The following AGBL1 variants were observed in gnomAD, a reference collection of about 807,000 sequenced individuals.
AGBL1 encodes AGBL carboxypeptidase 1.
AGBL1 carries 130 observed loss-of-function variants against 118.9 expected under a neutral mutation model. The ratio of observed to expected loss-of-function variants is 1.09; its 90% CI spans 0.95 to 1.26. The LOEUF (loss-of-function observed/expected upper bound fraction) is 1.26. Ranked by LOEUF, AGBL1 falls within the 50% of genes most tolerant of loss-of-function variation. The pLI is 0.00. For synonymous variants in AGBL1, 555 were observed against 478.9 expected (o/e 1.16, Z -2.08); for missense variants, 1,584 against 1,298.1 (o/e 1.22, Z -3.38).
chr15:86,413,199 G>A (rs1269769960), intron 18 of AGBL1, among the ~76,000 whole-genome samples: 1 of 152,140 alleles, frequency 6.6e-6, no homozygotes, highest in Non-Finnish European at 1.5e-5. Context: ...AAGATGCTCA[G>A]TAAGGTAACA....
At position 86,674,338 on chromosome 15, in the gene AGBL1, C is replaced by T. The variant is rs556577739; in HGVS notation, c.3060C>T (p.Ile1020=). The change falls in exon 22 of 23, where the codon ATC becomes ATT. Residue 1020 remains isoleucine (I), a synonymous_variant. Transcript: ENST00000614907. ...MGAMFCLGLL[I]LELKSASCSH... ...CCATGTTCTGTTTGGGCCTCCTCATCCTGGAGCTCAAATCTGCCAGCTGCA... is the reference window on the plus strand; with the variant it reads ...CCATGTTCTGTTTGGGCCTCCTCATTCTGGAGCTCAAATCTGCCAGCTGCA... The T allele has an allele frequency of 3.7e-6, 6 of 1,612,432 alleles. No homozygotes were observed. In the African/African-American group the frequency reaches 8.0e-5, roughly 21 times the overall value.
chr15:86,834,198 A>T (rs556422198), intron 22 of AGBL1, among the ~76,000 whole-genome samples: 1 of 152,298 alleles, frequency 6.6e-6, no homozygotes, highest in Admixed American at 6.5e-5. Flanking sequence ...AAAGGTAAAA[A>T]CAAGTGTTTG....
At chr15:86,582,558 A>C (rs1243170658) in intron 21 of AGBL1, among the ~76,000 whole-genome samples, 1 of 152,128 alleles carries the variant, frequency 6.6e-6, no homozygotes, top group African/African-American at 2.4e-5. Context: ...AGACACATGC[A>C]CACGTATGTT....
At chr15:86,961,616 T>G (rs536880853) in intron 23 of AGBL1, among the ~76,000 whole-genome samples, 1 of 152,150 alleles carries the variant, frequency 6.6e-6, no homozygotes, top group Admixed American at 6.6e-5. Flanking sequence ...TAGAACCCTT[T>G]CCCTGACCAC....
chr15:86,204,503 TCCCCTTC>T (rs1309076740), intron 5 of AGBL1, among the ~76,000 whole-genome samples: 1 of 122,356 alleles, frequency 8.2e-6, no homozygotes, highest in African/African-American at 3.1e-5. Context: ...CCCTTCCCCT[TCCCCTTC>T]CCCTTCCCCT....
At chr15:86,573,925 A>T (rs1017654637) in intron 21 of AGBL1, among the ~76,000 whole-genome samples, 1 of 152,246 alleles carries the variant, frequency 6.6e-6, no homozygotes, top group Non-Finnish European at 1.5e-5. Flanking sequence ...AACAACAAAA[A>T]TCACAATAAT....
At chr15:86,715,133 T>C (rs1036861105) in intron 22 of AGBL1, among the ~76,000 whole-genome samples, 1 of 152,182 alleles carries the variant, frequency 6.6e-6, no homozygotes, top group Non-Finnish European at 1.5e-5. Context: ...GCCCAGCAAC[T>C]TCACTGATTT....
intron 22 of AGBL1, among the ~76,000 whole-genome samples, chr15:86,687,619 C>T (rs770448406): frequency 1.6e-4 from 24 of 152,210 alleles, no homozygotes; most frequent in Admixed American, 8.5e-4. Context: ...AAATCTACAG[C>T]TTCAAAGCAG....
At chr15:86,748,134 G>A (rs932684753) in intron 22 of AGBL1, among the ~76,000 whole-genome samples, 10 of 152,090 alleles carry the variant, frequency 6.6e-5, no homozygotes, top group Non-Finnish European at 1.5e-4. Flanking sequence ...ATCCTCTCCA[G>A]CACCTGTTGT....
At chr15:86,284,692 T>A (rs1424136503) in intron 16 of AGBL1, among the ~76,000 whole-genome samples, 5 of 152,044 alleles carry the variant, frequency 3.3e-5, no homozygotes, top group African/African-American at 1.2e-4. Context: ...GTTTAGGGGG[T>A]AACAATAGAA....
chr15:86,976,904 A>G (rs2081181619), intron 23 of AGBL1, among the ~76,000 whole-genome samples: 1 of 151,968 alleles, frequency 6.6e-6, no homozygotes, highest in Non-Finnish European at 1.5e-5. Context: ...TTGTCTTCTT[A>G]GTGATTTATA....
At chr15:86,685,976 A>G (rs1188017665) in intron 22 of AGBL1, among the ~76,000 whole-genome samples, 2 of 152,142 alleles carry the variant, frequency 1.3e-5, no homozygotes, top group African/African-American at 4.8e-5. Flanking sequence ...ATATATGTGA[A>G]AGTAAGTCCC....
chr15:86,544,548 G>A (rs911678643), intron 19 of AGBL1, among the ~76,000 whole-genome samples: 8 of 152,180 alleles, frequency 5.3e-5, no homozygotes, highest in African/African-American at 1.7e-4. Flanking sequence ...TCATGGTGGA[G>A]GGCAAATGAG....
chr15:86,516,236 G>A (rs2083119213), intron 18 of AGBL1, among the ~76,000 whole-genome samples: 2 of 152,174 alleles, frequency 1.3e-5, no homozygotes, highest in African/African-American at 4.8e-5. Flanking sequence ...TGTCCACAAG[G>A]AATCTCCTTG....
intron 1 of AGBL1, among the ~76,000 whole-genome samples, chr15:86,087,367 C>T (rs964135103): frequency 2.9e-4 from 41 of 142,970 alleles, no homozygotes; most frequent in Admixed American, 4.3e-4. Context: ...CTTGCTCTTT[C>T]ACCCAGGCTG....
intron 22 of AGBL1, among the ~76,000 whole-genome samples, chr15:86,891,962 T>C (rs1465540354): frequency 6.6e-6 from 1 of 152,160 alleles, no homozygotes; most frequent in Non-Finnish European, 1.5e-5. Flanking sequence ...TCAGAGGTCC[T>C]CTCATGTAAA....
chr15:86,421,725 C>T (rs12443454), intron 18 of AGBL1, among the ~76,000 whole-genome samples: 4,425 of 152,260 alleles, frequency 0.029, 128 homozygotes, highest in Admixed American at 0.092. Context: ...TGCAAAGACA[C>T]ACATAGGCTC....
At chr15:86,661,692 TAGAGCAAGCA>T (rs2085543786) in intron 21 of AGBL1, among the ~76,000 whole-genome samples, 1 of 152,032 alleles carries the variant, frequency 6.6e-6, no homozygotes, top group African/African-American at 2.4e-5. Context: ...GCCTTTTTGC[TAGAGCAAGCA>T]AACAGTCCCC....
At chr15:86,761,543 T>A (rs2078024061) in intron 22 of AGBL1, among the ~76,000 whole-genome samples, 1 of 152,014 alleles carries the variant, frequency 6.6e-6, no homozygotes, top group Admixed American at 6.6e-5. Flanking sequence ...TGTGGTAAAT[T>A]TGCTTCCATT....
Sources: gnomAD v4.1 joint callset for allele counts (sites outside exome capture counted in the v4.1 genomes callset) on GRCh38, gnomAD v4.1.1 for gene constraint, MANE v1.5 for transcripts, NCBI Gene and HGNC (gene_info 2026-07-23, HGNC 2026-07-21) for gene names.